The following SWAP70 variants were observed in gnomAD, a reference collection of about 807,000 sequenced individuals.
The protein encoded by SWAP70 is switch-associated protein 70.
In SWAP70, 34 loss-of-function variants were observed where a neutral mutation model predicts 80.2. That is an observed-to-expected ratio of 0.42 (90% confidence interval 0.32 to 0.56). The LOEUF (loss-of-function observed/expected upper bound fraction) is 0.56. SWAP70 is among the 20% of genes least tolerant of loss of function. The pLI, the probability that SWAP70 is intolerant of heterozygous loss-of-function variation, is 0.09. For synonymous variants in SWAP70, 239 were observed against 238.5 expected (o/e 1.00, Z -0.02); for missense variants, 578 against 690.7 (o/e 0.84, Z 1.83).
intron 9 of SWAP70, among the ~76,000 whole-genome samples, chr11:9,746,465 C>T (rs1851513797): frequency 6.6e-6 from 1 of 152,236 alleles, no homozygotes; most frequent in African/African-American, 2.4e-5. Context: ...TACACATCAA[C>T]TGAGTGAATA....
chr11:9,716,291 C>G (rs12421878), intron 3 of SWAP70, among the ~76,000 whole-genome samples: 2 of 151,866 alleles, frequency 1.3e-5, no homozygotes, highest in Admixed American at 6.6e-5. Flanking sequence ...TAAAATACAG[C>G]GAGAATGGAA....
At chr11:9,716,447 G>T (rs1056564622) in intron 3 of SWAP70, among the ~76,000 whole-genome samples, 1 of 152,200 alleles carries the variant, frequency 6.6e-6, no homozygotes, top group Middle Eastern at 3.2e-3. Context: ...AAATCAGACT[G>T]ACTGGTTTGA....
chr11:9,749,403 C>G (rs907893048), intron 11 of SWAP70, among the ~76,000 whole-genome samples: 1 of 152,034 alleles, frequency 6.6e-6, no homozygotes. Flanking sequence ...CCCGCCACCA[C>G]GACCGGCTAA....
At chr11:9,709,645 G>A (rs1006206246) in intron 2 of SWAP70, among the ~76,000 whole-genome samples, 1 of 152,040 alleles carries the variant, frequency 6.6e-6, no homozygotes, top group African/African-American at 2.4e-5. Context: ...ATGCCACCAT[G>A]CCTGGCTAAT....
rs927355376 is a variant in SWAP70, at chr11:9,749,078, T to C, written c.1555-9T>C. 7 of 1,605,834 alleles carry C rather than the reference T, an allele frequency of 4.4e-6. No homozygotes were observed. The highest frequency in any genetic ancestry group is 3.4e-5 in the Admixed American group (2 of 59,294). ...TGTCTGCATAGTCCAAAATCCACTT[T>C]TGTTTCAGGAAGTTAAAAAGAAGCT... is the stretch of plus-strand genomic sequence containing the variant. On this transcript the variant is annotated splice_polypyrimidine_tract_variant and intron_variant, in intron 10 of 11. Coordinates refer to ENST00000318950, the MANE Select transcript of SWAP70 (RefSeq NM_015055.4).
chr11:9,716,653 A>G (rs796683481), intron 3 of SWAP70, among the ~76,000 whole-genome samples: 4 of 152,290 alleles, frequency 2.6e-5, no homozygotes, highest in African/African-American at 9.6e-5. Flanking sequence ...GTGTGAATGA[A>G]TGGTAGGATG....
intron 1 of SWAP70, among the ~76,000 whole-genome samples, chr11:9,665,202 G>C (rs1850293949): frequency 6.6e-6 from 1 of 152,154 alleles, no homozygotes; most frequent in Non-Finnish European, 1.5e-5. Context: ...AGCCCCTTCT[G>C]GGAATAAATT....
intron 2 of SWAP70, among the ~76,000 whole-genome samples, chr11:9,707,326 CT>C (rs1282761539): frequency 6.6e-6 from 1 of 152,060 alleles, no homozygotes; most frequent in African/African-American, 2.4e-5. Flanking sequence ...CCTTTTCCCC[CT>C]GGCCCTGGCA....
intron 1 of SWAP70, among the ~76,000 whole-genome samples, chr11:9,691,708 T>G (rs1450362967): frequency 1.3e-5 from 2 of 152,174 alleles, no homozygotes; most frequent in African/African-American, 2.4e-5. Context: ...TCTCAGTAAC[T>G]TTAGTCAAGA....
rs1010951027 is a variant in SWAP70, at chr11:9,752,471, A to G, written c.*2501A>G. ...TTACATCTTGGTTTTCAGTGGCACT[A>G]TGTCTAGGAGGCAATATCCTTTTAA... On this transcript the variant is annotated 3_prime_UTR_variant, in exon 12 of 12. Transcript: ENST00000318950. 1 of 152,260 alleles carries G rather than the reference A, an allele frequency of 6.6e-6. No individual in the cohort carries two copies. The highest frequency in any genetic ancestry group is 6.5e-5 in the Admixed American group (1 of 15,284). 9.4% of individuals were successfully genotyped at this position (152,260 alleles called of 1,614,324 possible).
At chr11:9,730,460 C>T (rs1851283205) in intron 6 of SWAP70, among the ~76,000 whole-genome samples, 1 of 151,542 alleles carries the variant, frequency 6.6e-6, no homozygotes, top group South Asian at 2.1e-4. Context: ...TTTTTTATGA[C>T]TGAATAGTAT....
chr11:9,714,110 C>T (rs920080), intron 3 of SWAP70, among the ~76,000 whole-genome samples: 49,592 of 151,930 alleles, frequency 0.33, 8,345 homozygotes, highest in Non-Finnish European at 0.35. Context: ...AGAATGCTTG[C>T]TTTGTTATTT....
intron 10 of SWAP70, 66 bp from the exon 11 acceptor site, chr11:9,749,021 A>G (rs1851550019): frequency 2.1e-6 from 2 of 962,916 alleles, no homozygotes; most frequent in Admixed American, 2.0e-5. Context: ...TAAGGGCCCA[A>G]TAGTTGTGAT....
intron 3 of SWAP70, among the ~76,000 whole-genome samples, chr11:9,723,220 C>T (rs1851162815): frequency 6.6e-6 from 1 of 152,096 alleles, no homozygotes; most frequent in African/African-American, 2.4e-5. Flanking sequence ...AAAAGCAGAT[C>T]AAATAGGAGT....
chr11:9,727,260 C>T (rs962961236), intron 4 of SWAP70, among the ~76,000 whole-genome samples: 2 of 152,046 alleles, frequency 1.3e-5, no homozygotes, highest in African/African-American at 4.8e-5. Flanking sequence ...TGGTGGCATG[C>T]GCTTGTAGTC....
At chr11:9,690,317 C>G (rs994330083) in intron 1 of SWAP70, among the ~76,000 whole-genome samples, 2 of 152,132 alleles carry the variant, frequency 1.3e-5, no homozygotes, top group African/African-American at 4.8e-5. Context: ...TGTAGTCGTT[C>G]ACGCCTCTAA....
In SWAP70 at chr11:9,732,632, A is replaced by G; in HGVS notation, c.1002A>G (p.Gln334=). Residue 334 remains glutamine (Q), a synonymous_variant, in exon 7 of 12, where the codon CAA becomes CAG. Transcript: ENST00000318950. The stretch of plus-strand genomic sequence containing the variant: ...TCCGGAAGAAGCAGCTGGCTGAACA[A>G]GAGGAACTGGAGCGACAAATGAAGG... The part of the protein sequence containing the change: ...KELRKKQLAE[Q]EELERQMKEL... The G allele has an allele frequency of 1.3e-6, 2 of 1,586,454 alleles. No homozygotes were observed. Among genetic ancestry groups the G allele is most frequent in the Non-Finnish European group, 1.7e-6 (2 of 1,164,464 alleles).
chr11:9,729,300 A>C, intron 5 of SWAP70, 43 bp from the exon 6 acceptor site: 1 of 1,184,232 alleles, frequency 8.4e-7, no homozygotes, highest in Non-Finnish European at 1.2e-6. Context: ...ATTTCATTTA[A>C]ATACTTAAAA....
Position 9,668,499 on chromosome 11 carries a change from C to G in SWAP70, c.99+4221C>G, listed in dbSNP as rs144731716. On this transcript the variant is annotated intron_variant, in intron 1 of 11. Transcript: ENST00000318950. ...AATATTTAAACATTTTTATTTAGGT[C>G]TCCTTTTGTGTTTGACCCTAGTTCT... is the stretch of plus-strand genomic sequence containing the variant. 2.6e-3 allele frequency among the ~76,000 whole-genome samples: 397 copies of G among 152,176 alleles called. 3 individuals carry two copies. The highest frequency in any genetic ancestry group is 3.4e-3 in the Middle Eastern group (1 of 294).
Sources: allele counts gnomAD v4.1 joint callset (sites outside exome capture counted in the v4.1 genomes callset), GRCh38; gene constraint gnomAD v4.1.1; transcripts MANE v1.5; gene names NCBI Gene and HGNC (gene_info 2026-07-23, HGNC 2026-07-21).